PARD3B: variants seen among roughly 807,000 people sequenced by gnomAD.
PARD3B encodes par-3 family cell polarity regulator beta, also known as partitioning defective 3 homolog B.
A neutral mutation model predicts 130.2 loss-of-function variants in PARD3B; 103 were observed. The observed-to-expected ratio is 0.79, with a 90% CI of 0.67 to 0.93. The LOEUF (loss-of-function observed/expected upper bound fraction) is 0.93. Ranked by LOEUF, PARD3B falls within the 40% of genes least tolerant of loss-of-function variation. The pLI is 0.00. For missense variants in PARD3B, 1,609 were observed against 1,499.2 expected (o/e 1.07, Z -1.21); for synonymous variants, 583 against 553.2 (o/e 1.05, Z -0.76).
At chr2:204,710,724 A>T (rs1180909256) in intron 2 of PARD3B, among the ~76,000 whole-genome samples, 2 of 152,176 alleles carry the variant, frequency 1.3e-5, no homozygotes, top group Admixed American at 6.5e-5. Flanking sequence ...GGAAACTTAC[A>T]TAGATTCTTG....
At chr2:205,503,391 T>C (rs1327392759) in intron 21 of PARD3B, among the ~76,000 whole-genome samples, 1 of 129,036 alleles carries the variant, frequency 7.7e-6, no homozygotes, top group Non-Finnish European at 1.7e-5. Context: ...TACTTTGTTC[T>C]TTTTTTTTTT....
intron 2 of PARD3B, among the ~76,000 whole-genome samples, chr2:204,960,749 G>T (rs1176749753): frequency 1.3e-5 from 2 of 151,998 alleles, no homozygotes; most frequent in East Asian, 3.9e-4. Flanking sequence ...CAAACTCAGG[G>T]TTCTCATGGA....
At chr2:204,715,815 C>A (rs555355073) in intron 2 of PARD3B, among the ~76,000 whole-genome samples, 1 of 152,260 alleles carries the variant, frequency 6.6e-6, no homozygotes, top group South Asian at 2.1e-4. Flanking sequence ...CCCTGGTCAA[C>A]GTCCCATCCT....
At chr2:204,822,716 T>C (rs2043411803) in intron 2 of PARD3B, among the ~76,000 whole-genome samples, 1 of 152,132 alleles carries the variant, frequency 6.6e-6, no homozygotes, top group Admixed American at 6.5e-5. Context: ...TTAAAAGGTG[T>C]CCCATGCTGT....
At chr2:205,138,434 A>G (rs914248003) in intron 10 of PARD3B, among the ~76,000 whole-genome samples, 2 of 152,134 alleles carry the variant, frequency 1.3e-5, no homozygotes, top group Non-Finnish European at 2.9e-5. Flanking sequence ...TCACATAGAG[A>G]ATTACTCTTT....
intron 18 of PARD3B, among the ~76,000 whole-genome samples, chr2:205,338,397 A>C (rs2043397072): frequency 6.6e-6 from 1 of 152,102 alleles, no homozygotes; most frequent in African/African-American, 2.4e-5. Context: ...TTCCAGCTAA[A>C]TTGTTAAACT....
intron 3 of PARD3B, among the ~76,000 whole-genome samples, chr2:205,009,309 A>G (rs988594319): frequency 1.3e-5 from 2 of 152,226 alleles, no homozygotes; most frequent in African/African-American, 4.8e-5. Context: ...GTCTTAGAGT[A>G]TATTGAGTAG....
At chr2:204,684,734 A>C (rs990372868) in intron 1 of PARD3B, among the ~76,000 whole-genome samples, 1 of 152,204 alleles carries the variant, frequency 6.6e-6, no homozygotes, top group South Asian at 2.1e-4. Flanking sequence ...CCCACTGCTT[A>C]TATCTTTGAG....
intron 11 of PARD3B, among the ~76,000 whole-genome samples, chr2:205,162,977 A>G (rs1285747111): frequency 6.6e-6 from 1 of 152,148 alleles, no homozygotes. Flanking sequence ...TTTTACATCT[A>G]TGGACTACAC....
chr2:205,165,582 A>G lies in PARD3B; in HGVS notation c.1621-6629A>G, dbSNP rs1014000637. Among the ~76,000 whole-genome samples, 8 of 151,918 alleles carry G rather than the reference A, an allele frequency of 5.3e-5. No homozygotes were observed. The South Asian group carries it at 1.5e-3, about 28-fold the overall frequency. On this transcript the variant is annotated intron_variant, in intron 11 of 22. Transcript: ENST00000406610. ...AAAATACAAAAACTAGCCAGGCATG[A>G]TGGTACGCACCTGTAATCCCAGCTA...
intron 21 of PARD3B, among the ~76,000 whole-genome samples, chr2:205,534,197 C>T (rs1422438271): frequency 6.6e-6 from 1 of 152,086 alleles, no homozygotes; most frequent in Non-Finnish European, 1.5e-5. Flanking sequence ...AAACAAAGTC[C>T]CTGTTCTCAT....
chr2:204,762,725 G>T (rs187001205), intron 2 of PARD3B, among the ~76,000 whole-genome samples: 48 of 149,592 alleles, frequency 3.2e-4, no homozygotes, highest in Admixed American at 3.1e-3. Context: ...GGACTTAACT[G>T]CCAGCTGTTC....
chr2:205,301,565 A>T lies in PARD3B; in HGVS notation c.2494A>T (p.Arg832Trp). The T allele has an allele frequency of 1.9e-6, 3 of 1,614,146 alleles. No individual in the cohort carries two copies. Among genetic ancestry groups the T allele is most frequent in the Non-Finnish European group, 2.5e-6 (3 of 1,180,032 alleles). The part of the protein sequence containing the change: ...SELEDMENKA[R>W]KVKKTKEKEK... The stretch of plus-strand genomic sequence containing the variant: ...GCTAGAGGACATGGAAAATAAAGCC[A>T]GGAAAGTCAAAAAAACGAAAGAGAA... The change falls in exon 18 of 23, where the codon AGG becomes TGG. Residue 832 changes from arginine (R) to tryptophan (W), a missense_variant. Transcript: ENST00000406610. This position sits in a 1 kb window ranked among gnomAD's most constrained non-coding sequence, Gnocchi z 5.2.
chr2:204,671,187 T>A (rs1307730705), intron 1 of PARD3B, among the ~76,000 whole-genome samples: 1 of 152,142 alleles, frequency 6.6e-6, no homozygotes, highest in African/African-American at 2.4e-5. Context: ...TGGTTTTTAC[T>A]TTGCTGGCGT....
intron 1 of PARD3B, among the ~76,000 whole-genome samples, chr2:204,561,584 T>C (rs1265163656): frequency 6.7e-6 from 1 of 149,998 alleles, no homozygotes; most frequent in South Asian, 2.1e-4. Flanking sequence ...TATGTACTCA[T>C]CTCCCTTGTA....
At chr2:205,138,084 A>T (rs16837019) in intron 10 of PARD3B, among the ~76,000 whole-genome samples, 34,223 of 152,046 alleles carry the variant, frequency 0.23, 4,157 homozygotes, top group East Asian at 0.4. Flanking sequence ...TTGGTCAGGG[A>T]TGGAAGATTC....
intron 1 of PARD3B, among the ~76,000 whole-genome samples, chr2:204,588,453 A>G (rs968317079): frequency 2.0e-5 from 3 of 152,146 alleles, no homozygotes; most frequent in Admixed American, 6.5e-5. Context: ...CTGGATTTTT[A>G]CCTTGCTTCC....
At chr2:204,676,429 G>C (rs116327087) in intron 1 of PARD3B, among the ~76,000 whole-genome samples, 113 of 152,012 alleles carry the variant, frequency 7.4e-4, no homozygotes, top group African/African-American at 2.6e-3. Flanking sequence ...CAGAATTGCC[G>C]AATCTATTAT....
At position 204,738,104 on chromosome 2, in the gene PARD3B, G is replaced by T. The variant is rs189829020; in HGVS notation, c.222+51822G>T. On this transcript the variant is annotated intron_variant, in intron 2 of 22. Transcript: ENST00000406610. ...TTTTAGGATTTTTTTTTCTAATTCT[G>T]TGAAAAATGATGTTGGTATTTTGAT... 2.0e-4 allele frequency among the ~76,000 whole-genome samples: 30 copies of T among 151,894 alleles called. No individual in the cohort carries two copies. In the East Asian group the frequency reaches 5.8e-3, roughly 29 times the overall value.
Sources: allele counts gnomAD v4.1 joint callset (sites outside exome capture counted in the v4.1 genomes callset), GRCh38; gene constraint gnomAD v4.1.1; non-coding constraint Gnocchi (gnomAD v3.1); transcripts MANE v1.5; gene names NCBI Gene and HGNC (gene_info 2026-07-23, HGNC 2026-07-21).